PTPN13: variants seen among roughly 807,000 people sequenced by gnomAD.
PTPN13 encodes the protein protein tyrosine phosphatase non-receptor type 13, also known as tyrosine-protein phosphatase non-receptor type 13.
In PTPN13, 191 loss-of-function variants were observed where a neutral mutation model predicts 284.0. The observed-to-expected ratio is 0.67, with a 90% CI of 0.60 to 0.76. The LOEUF is 0.76. Ranked by LOEUF, PTPN13 falls within the 30% of genes least tolerant of loss-of-function variation. The probability of loss-of-function intolerance (pLI) is 0.00; values close to 1 mark genes in which losing one functional copy is unlikely to be tolerated. For missense variants in PTPN13, 2,797 were observed against 2,939.9 expected, an observed-to-expected ratio of 0.95 and a Z score of 1.12; for synonymous variants, 986 against 1,022.3, an observed-to-expected ratio of 0.96 and a Z score of 0.68.
intron 9 of PTPN13, among the ~76,000 whole-genome samples, chr4:86,721,637 T>A (rs1333896329): frequency 6.6e-6 from 1 of 151,920 alleles, no homozygotes; most frequent in Admixed American, 6.6e-5. Flanking sequence ...GAGCTCTTTG[T>A]CAGGAACTGG....
Position 86,630,430 on chromosome 4 carries a change from G to A in PTPN13, c.-5-4822G>A, listed in dbSNP as rs868248618. Among the ~76,000 whole-genome samples, 42 of 152,068 alleles carry A rather than the reference G, an allele frequency of 2.8e-4. 1 individual carries two copies. The highest frequency in any genetic ancestry group is 2.2e-3 in the Admixed American group (33 of 15,246). The stretch of plus-strand genomic sequence containing the variant: ...ACTATTTAAATTGGAATCACCATGC[G>A]AATCTGTTATTCTAACTCACCTATT... On this transcript the variant is annotated intron_variant, in intron 1 of 47. Coordinates refer to ENST00000411767, the MANE Select transcript of PTPN13 (RefSeq NM_080683.3).
chr4:86,636,005 G>A lies in PTPN13; in HGVS notation c.115+634G>A, dbSNP rs577296846. Among the ~76,000 whole-genome samples the A allele has an allele frequency of 3.2e-4, 48 of 152,050 alleles. 1 individual carries two copies. The highest frequency in any genetic ancestry group is 1.1e-3 in the African/African-American group (46 of 41,472). On this transcript the variant is annotated intron_variant, in intron 2 of 47. Transcript: ENST00000411767. ...CACACACTCACACACGAACACATTT[G>A]TACTGTATAAACAAATGTAAAAAAT...
chr4:86,778,190 A>G (rs554177584), intron 35 of PTPN13, among the ~76,000 whole-genome samples: 1 of 152,282 alleles, frequency 6.6e-6, no homozygotes, highest in South Asian at 2.1e-4. Flanking sequence ...AATTATCTGT[A>G]TGTCCACCTT....
chr4:86,683,238 C>T (rs1729093274), intron 3 of PTPN13, among the ~76,000 whole-genome samples: 1 of 151,822 alleles, frequency 6.6e-6, no homozygotes, highest in Non-Finnish European at 1.5e-5. Flanking sequence ...CTCACAAGCT[C>T]CAAGATCCTC....
intron 3 of PTPN13, among the ~76,000 whole-genome samples, chr4:86,684,054 T>C (rs1325063056): frequency 6.6e-6 from 1 of 151,866 alleles, no homozygotes; most frequent in Non-Finnish European, 1.5e-5. Context: ...GAATATCTGC[T>C]ATGTAAAGTT....
chr4:86,636,983 A>G (rs1723099159), intron 2 of PTPN13, among the ~76,000 whole-genome samples: 1 of 151,860 alleles, frequency 6.6e-6, no homozygotes. Flanking sequence ...GCAATAAAAA[A>G]TGATAAAGGG....
chr4:86,608,087 T>C (rs1185498952), intron 1 of PTPN13, among the ~76,000 whole-genome samples: 2 of 151,984 alleles, frequency 1.3e-5, no homozygotes, highest in Admixed American at 6.6e-5. Flanking sequence ...ATATGTTAAA[T>C]AGATAAAAGG....
chr4:86,799,180 A>C lies in PTPN13; in HGVS notation c.6481A>C (p.Thr2161Pro), dbSNP rs116619082. 1.3e-6 allele frequency: 2 copies of C among 1,574,240 alleles called. No individual in the cohort carries two copies. Among genetic ancestry groups the C allele is most frequent in the African/African-American group, 2.7e-5 (2 of 73,778 alleles). The change falls in exon 42 of 48, where the codon ACA becomes CCA. Residue 2161 changes from threonine to proline, a missense_variant. Coordinates refer to ENST00000411767, the MANE Select transcript of PTPN13 (RefSeq NM_080683.3). ...AAATGATGAGTTGCCAATAGAGAGA[A>C]CAAACCATGAAGATTCTGATAAAGG... ...WGNDELPIERTNHEDSDKDHS... is the reference protein window; with the variant it reads ...WGNDELPIERPNHEDSDKDHS...
At chr4:86,598,151 CT>C (rs56694801) in intron 1 of PTPN13, among the ~76,000 whole-genome samples, 250 of 141,204 alleles carry the variant, frequency 1.8e-3, no homozygotes, top group Non-Finnish European at 1.6e-3. Flanking sequence ...CTTTGTTGTG[CT>C]TTTTTTTTTT....
intron 43 of PTPN13, among the ~76,000 whole-genome samples, chr4:86,804,124 A>G (rs942116575): frequency 6.8e-6 from 1 of 146,030 alleles, no homozygotes; most frequent in African/African-American, 2.5e-5. Context: ...AAAATGTTTA[A>G]AAAAAAAAAA....
chr4:86,674,698 T>C (rs1728086136), intron 3 of PTPN13, among the ~76,000 whole-genome samples: 1 of 152,162 alleles, frequency 6.6e-6, no homozygotes, highest in Admixed American at 6.5e-5. Flanking sequence ...ACTAAAAAAT[T>C]TCCCATTACA....
intron 2 of PTPN13, among the ~76,000 whole-genome samples, chr4:86,659,140 T>C (rs1004861142): frequency 1.3e-5 from 2 of 152,140 alleles, no homozygotes; most frequent in African/African-American, 4.8e-5. Context: ...AAACATCATA[T>C]ATAATTTAAT....
chr4:86,653,111 A>T (rs939527548), intron 2 of PTPN13, among the ~76,000 whole-genome samples: 2 of 151,896 alleles, frequency 1.3e-5, no homozygotes, highest in Non-Finnish European at 2.9e-5. Context: ...TTAATCTCTT[A>T]GTTAAATTTC....
chr4:86,682,686 G>A (rs191626632), intron 3 of PTPN13, among the ~76,000 whole-genome samples: 43 of 152,190 alleles, frequency 2.8e-4, no homozygotes, highest in Middle Eastern at 6.8e-3. Flanking sequence ...GATGAACTAA[G>A]CACTGTCAGT....
chr4:86,768,343 T>G lies in PTPN13; in HGVS notation c.4489+367T>G, dbSNP rs377464027. Among the ~76,000 whole-genome samples, 50 of 152,296 alleles carry G rather than the reference T, an allele frequency of 3.3e-4. 1 individual carries two copies. The South Asian group carries it at 7.9e-3, about 24-fold the overall frequency. On this transcript the variant is annotated intron_variant, in intron 28 of 47. Coordinates refer to ENST00000411767, the MANE Select transcript of PTPN13 (RefSeq NM_080683.3). ...TTTTGTATTTCTATTTAATTTAATTTTAAGAACTGTGAATCAAACTCTGGG... is the reference window on the plus strand; with the variant it reads ...TTTTGTATTTCTATTTAATTTAATTGTAAGAACTGTGAATCAAACTCTGGG...
chr4:86,620,481 T>C (rs756017298), intron 1 of PTPN13, among the ~76,000 whole-genome samples: 17 of 152,070 alleles, frequency 1.1e-4, no homozygotes, highest in Non-Finnish European at 1.5e-5. Context: ...TAAGAAAAAA[T>C]AGGTGACTTA....
At chr4:86,631,757 T>C (rs953852148) in intron 1 of PTPN13, among the ~76,000 whole-genome samples, 4 of 152,178 alleles carry the variant, frequency 2.6e-5, no homozygotes, top group African/African-American at 4.8e-5. Flanking sequence ...TAGCAATCTT[T>C]GTAGCTAGAA....
intron 40 of PTPN13, among the ~76,000 whole-genome samples, chr4:86,789,175 C>T (rs1167959907): frequency 6.6e-6 from 1 of 152,236 alleles, no homozygotes; most frequent in Non-Finnish European, 1.5e-5. Context: ...AAGTGACTTA[C>T]ATGCCATGCC....
intron 24 of PTPN13, among the ~76,000 whole-genome samples, chr4:86,764,067 C>A (rs1344375925): frequency 6.6e-6 from 1 of 152,044 alleles, no homozygotes; most frequent in Non-Finnish European, 1.5e-5. Context: ...AGCTGTTGTT[C>A]CCATGTTTAT....
Sources: allele counts gnomAD v4.1 joint callset (sites outside exome capture counted in the v4.1 genomes callset), GRCh38; gene constraint gnomAD v4.1.1; transcripts MANE v1.5; gene names NCBI Gene and HGNC (gene_info 2026-07-23, HGNC 2026-07-21).